EIF4G3: variants seen among roughly 807,000 people sequenced by gnomAD.
EIF4G3 encodes eIF-4-gamma 3.
Under a neutral mutation model 186.4 loss-of-function variants are expected in EIF4G3, and 34 were observed. The ratio of observed to expected loss-of-function variants is 0.18; its 90% CI spans 0.14 to 0.24. The LOEUF (loss-of-function observed/expected upper bound fraction) is 0.24, where lower values mean the gene tolerates loss of function less well. Ranked by LOEUF, EIF4G3 falls within the 10% of genes least tolerant of loss-of-function variation. The pLI, the probability that EIF4G3 is intolerant of heterozygous loss-of-function variation, is 1.00. For missense variants in EIF4G3, 1,536 were observed against 1,948.5 expected, an observed-to-expected ratio of 0.79 and a Z score of 3.99; for synonymous variants, 673 against 679.5, an observed-to-expected ratio of 0.99 and a Z score of 0.15.
At chr1:20,976,346 G>A (rs1449482009) in intron 10 of EIF4G3, among the ~76,000 whole-genome samples, 1 of 138,614 alleles carries the variant, frequency 7.2e-6, no homozygotes, top group African/African-American at 2.7e-5. Context: ...CCCACAACAG[G>A]CCCCAGTGTC....
intron 18 of EIF4G3, among the ~76,000 whole-genome samples, chr1:20,891,614 T>G (rs975547798): frequency 5.7e-5 from 2 of 35,178 alleles, no homozygotes; most frequent in African/African-American, 2.2e-4. Context: ...CTACTAAAAA[T>G]ACAAAAAAAA....
chr1:20,987,001 G>C (rs372476237), intron 7 of EIF4G3, among the ~76,000 whole-genome samples: 1 of 152,124 alleles, frequency 6.6e-6, no homozygotes, highest in Non-Finnish European at 1.5e-5. Flanking sequence ...CAACAAGATA[G>C]GATACTTTTA....
At chr1:21,099,919 A>T (rs1388634611) in intron 2 of EIF4G3, among the ~76,000 whole-genome samples, 1 of 152,232 alleles carries the variant, frequency 6.6e-6, no homozygotes, top group African/African-American at 2.4e-5. Context: ...ACTTGTACAC[A>T]AATGTTCACA....
At chr1:21,029,349 G>C (rs539047978) in intron 4 of EIF4G3, among the ~76,000 whole-genome samples, 1 of 151,776 alleles carries the variant, frequency 6.6e-6, no homozygotes, top group South Asian at 2.1e-4. Context: ...TAGACTCCAC[G>C]AACACAGGTA....
chr1:20,883,867 T>C (rs1433147143), intron 19 of EIF4G3, among the ~76,000 whole-genome samples: 1 of 152,074 alleles, frequency 6.6e-6, no homozygotes, highest in Non-Finnish European at 1.5e-5. Flanking sequence ...AAAGCTCGAA[T>C]GGAAAGACAA....
intron 20 of EIF4G3, among the ~76,000 whole-genome samples, chr1:20,877,323 G>A (rs1047574234): frequency 6.6e-6 from 1 of 152,166 alleles, no homozygotes; most frequent in African/African-American, 2.4e-5. Context: ...GGCACATCAG[G>A]AGGCACTATG....
At chr1:20,831,929 G>C (rs2065387094) in intron 30 of EIF4G3, among the ~76,000 whole-genome samples, 1 of 137,436 alleles carries the variant, frequency 7.3e-6, no homozygotes, top group Non-Finnish European at 1.6e-5. Flanking sequence ...CCCTACAAAG[G>C]ACATGAACTC....
At position 20,807,410 on chromosome 1, in the gene EIF4G3, G is replaced by T; in HGVS notation, c.4835C>A (p.Ala1612Glu). 6.2e-7 allele frequency: 1 copy of T among 1,613,130 alleles called. No individual in the cohort carries two copies. Among genetic ancestry groups the T allele is most frequent in the Non-Finnish European group, 8.5e-7 (1 of 1,179,306 alleles). Residue 1612 changes from alanine to glutamate, a missense_variant, in exon 37 of 37, where the codon GCA becomes GAA. This residue lies in a region of EIF4G3 where 45 missense variants were observed against 99.1 expected (regional missense o/e 0.45). Transcript: ENST00000602326. ...FYKWESSKDPAEQNGKGVALK... is the reference protein window; with the variant it reads ...FYKWESSKDPEEQNGKGVALK... The stretch of plus-strand genomic sequence containing the variant: ...AGCCACGCCCTTCCCATTCTGCTCT[G>T]CAGGGTCCTTGCTGCTCTCCCATTT...
At chr1:21,061,349 C>G (rs983964195) in intron 3 of EIF4G3, among the ~76,000 whole-genome samples, 1 of 152,012 alleles carries the variant, frequency 6.6e-6, no homozygotes, top group Non-Finnish European at 1.5e-5. Flanking sequence ...ATTTTTGGAT[C>G]GGGATGTTCA....
In EIF4G3 at chr1:21,002,712, C is replaced by T; in HGVS notation, c.30+1G>A. On this transcript the variant is annotated splice_donor_variant, in intron 5 of 36. Transcript: ENST00000602326. LOFTEE classifies it high-confidence loss of function. ...TTTGGTTCAAGCTTCTGCTTACTTA[C>T]CGGAGAACGGGTTTGAGGTTGTGAA... 6.2e-7 allele frequency: 1 copy of T among 1,613,262 alleles called. No homozygotes were observed. Among genetic ancestry groups the T allele is most frequent in the Non-Finnish European group, 8.5e-7 (1 of 1,179,616 alleles).
intron 20 of EIF4G3, among the ~76,000 whole-genome samples, chr1:20,877,987 G>A (rs1477994027): frequency 1.3e-5 from 2 of 152,044 alleles, no homozygotes; most frequent in African/African-American, 4.8e-5. Context: ...GGGATTACAG[G>A]CGCACGCTAC....
At chr1:21,111,521 C>T in intron 2 of EIF4G3, 2 of 343,780 alleles carry the variant, frequency 5.8e-6, no homozygotes, top group Non-Finnish European at 1.2e-5. Context: ...GCCTTTAAGA[C>T]ATCTCTCCCA....
chr1:20,921,421 T>C (rs181304143), intron 14 of EIF4G3, among the ~76,000 whole-genome samples: 1 of 152,356 alleles, frequency 6.6e-6, no homozygotes, highest in African/African-American at 2.4e-5. Context: ...GTGTATCAGC[T>C]TAACCAACAG....
chr1:21,115,389 G>A (rs927464596), intron 2 of EIF4G3, among the ~76,000 whole-genome samples: 8 of 152,068 alleles, frequency 5.3e-5, no homozygotes, highest in Non-Finnish European at 1.0e-4. Context: ...CATGAGCATG[G>A]CACCTCAAAA....
intron 18 of EIF4G3, chr1:20,892,765 G>A: frequency 7.3e-7 from 1 of 1,375,136 alleles, no homozygotes; most frequent in Non-Finnish European, 9.9e-7. Flanking sequence ...ATCATTAGCT[G>A]AATGTCATCA....
At chr1:21,169,367 G>A (rs2103045198) in intron 2 of EIF4G3, among the ~76,000 whole-genome samples, 1 of 152,052 alleles carries the variant, frequency 6.6e-6, no homozygotes, top group East Asian at 1.9e-4. Flanking sequence ...AGAATTGTTT[G>A]AACCCGGGAG....
chr1:21,078,798 G>A (rs898545212), intron 3 of EIF4G3, among the ~76,000 whole-genome samples: 6 of 151,854 alleles, frequency 4.0e-5, no homozygotes, highest in African/African-American at 7.3e-5. Flanking sequence ...CAGCCTGGCC[G>A]ATATGGTGAA....
intron 4 of EIF4G3, among the ~76,000 whole-genome samples, chr1:21,004,812 A>T (rs1218220200): frequency 6.6e-6 from 1 of 152,104 alleles, no homozygotes; most frequent in Non-Finnish European, 1.5e-5. Flanking sequence ...TTAATGAGTT[A>T]TAAAAAACAA....
chr1:20,844,381 G>A (rs989683509), intron 29 of EIF4G3, among the ~76,000 whole-genome samples: 1 of 152,032 alleles, frequency 6.6e-6, no homozygotes, highest in Admixed American at 6.6e-5. Context: ...GTTTTGATTT[G>A]TATTTCTCTA....
Sources: gnomAD v4.1 joint callset for allele counts (sites outside exome capture counted in the v4.1 genomes callset) on GRCh38, gnomAD v4.1.1 for gene constraint, gnomAD v4.1.1 regional missense constraint, MANE v1.5 for transcripts, NCBI Gene and HGNC (gene_info 2026-07-23, HGNC 2026-07-21) for gene names.